Variants in UBE2D2 observed in about 807,000 individuals in gnomAD.
UBE2D2 encodes the protein ubiquitin conjugating enzyme E2 D2, also known as ubiquitin-conjugating enzyme E2 D2.
In UBE2D2, 2 loss-of-function variants were observed where a neutral mutation model predicts 24.2. The observed-to-expected ratio is 0.08, with a 90% CI of 0.03 to 0.26. The LOEUF (loss-of-function observed/expected upper bound fraction) is 0.26. UBE2D2 is among the 10% of genes least tolerant of loss of function. The pLI is 1.00. For synonymous variants in UBE2D2, 58 were observed against 56.5 expected (o/e 1.03, Z -0.12); for missense variants, 44 against 177.6 (o/e 0.25, Z 4.28).
chr5:139,626,803 T>A lies in UBE2D2; in HGVS notation c.*2T>A, dbSNP rs1052679743. Reference sequence around the variant, plus strand: ...TGGACTCAGAAGTATGCGATGTAATTAAAGAAATTATTGGATAACCTCTAC... The same window carrying A: ...TGGACTCAGAAGTATGCGATGTAATAAAAGAAATTATTGGATAACCTCTAC... On this transcript the variant is annotated 3_prime_UTR_variant, in exon 7 of 7. Transcript: ENST00000398733. 6.2e-7 allele frequency: 1 copy of A among 1,612,026 alleles called. No individual in the cohort carries two copies. The highest frequency in any genetic ancestry group is 1.1e-5 in the South Asian group (1 of 90,972).
intron 1 of UBE2D2, among the ~76,000 whole-genome samples, chr5:139,541,677 G>A (rs565976017): frequency 5.3e-4 from 80 of 151,768 alleles, no homozygotes; most frequent in African/African-American, 1.9e-3. Context: ...AGTAGCTGAG[G>A]TGGGAGGATC....
chr5:139,549,123 A>T (rs1293617366), intron 1 of UBE2D2, among the ~76,000 whole-genome samples: 1 of 152,140 alleles, frequency 6.6e-6, no homozygotes, highest in Non-Finnish European at 1.5e-5. Context: ...GCTAGGTTAC[A>T]GGTGTGAGCC....
chr5:139,579,261 C>T (rs1753545465), intron 1 of UBE2D2, among the ~76,000 whole-genome samples: 1 of 152,246 alleles, frequency 6.6e-6, no homozygotes, highest in African/African-American at 2.4e-5. Context: ...AATTCTCCTG[C>T]CTCAGCATCT....
At chr5:139,558,780 T>C (rs994489003), upstream of UBE2D2, among the ~76,000 whole-genome samples, 1 of 152,146 alleles carries the variant, frequency 6.6e-6, no homozygotes, top group Non-Finnish European at 1.5e-5. Context: ...CCTTTACTTA[T>C]AGGTATGTCT....
rs1475311956 is a variant in UBE2D2, at chr5:139,592,793, G to A, written c.25-7579G>A. ...AATTTTTTGTATTTTTAGTAGAGATGGCGTTTCACTGTGTTAGCCAGGATG... is the reference window on the plus strand; with the variant it reads ...AATTTTTTGTATTTTTAGTAGAGATAGCGTTTCACTGTGTTAGCCAGGATG... On this transcript the variant is annotated intron_variant, in intron 1 of 6. Transcript: ENST00000398733. Among the ~76,000 whole-genome samples, 4 of 150,564 alleles carry A rather than the reference G, an allele frequency of 2.7e-5. No individual in the cohort carries two copies. In the Admixed American group the frequency reaches 2.7e-4, roughly 10 times the overall value.
At chr5:139,530,589 G>A (rs552215518) in intron 1 of UBE2D2, among the ~76,000 whole-genome samples, 55 of 152,256 alleles carry the variant, frequency 3.6e-4, no homozygotes, top group African/African-American at 1.2e-3. Flanking sequence ...AGCCTTGACC[G>A]TTCTTGCCCA....
rs74765693 is a variant in UBE2D2, at chr5:139,550,940, C to T, written c.-64+24328C>T. The stretch of plus-strand genomic sequence containing the variant: ...TCTTCAAGTCAGTGAGACCAAGAAC[C>T]CACCAATTCCAGATACACCACAGTA... On this transcript the variant is annotated intron_variant, in intron 1 of 6. Transcript: ENST00000511725. Among the ~76,000 whole-genome samples, 988 of 152,250 alleles carry T rather than the reference C, an allele frequency of 6.5e-3. 7 individuals are homozygous for T. The highest frequency in any genetic ancestry group is 0.011 in the Non-Finnish European group (734 of 68,012).
intron 1 of UBE2D2, among the ~76,000 whole-genome samples, chr5:139,573,846 C>T (rs946835983): frequency 9.9e-5 from 15 of 151,980 alleles, no homozygotes; most frequent in Non-Finnish European, 2.2e-4. Context: ...TGGCGGGTGC[C>T]TGTAATCCCA....
At chr5:139,561,930 G>T in intron 1 of UBE2D2, 115 bp downstream of exon 1, 5 of 1,361,612 alleles carry the variant, frequency 3.7e-6, no homozygotes, top group Non-Finnish European at 3.8e-6. Context: ...GCCGGTGCTG[G>T]CCCCTCGGGG....
chr5:139,540,045 G>A (rs1392912510), intron 1 of UBE2D2, among the ~76,000 whole-genome samples: 4 of 151,694 alleles, frequency 2.6e-5, no homozygotes, highest in East Asian at 1.9e-4. Flanking sequence ...TCAGCCTCCC[G>A]AGTAGCTGGG....
intron 1 of UBE2D2, among the ~76,000 whole-genome samples, chr5:139,582,027 C>T (rs1470397277): frequency 6.6e-6 from 1 of 151,508 alleles, no homozygotes; most frequent in Non-Finnish European, 1.5e-5. Context: ...ACTTTGTTGC[C>T]CAGGCTGGAG....
chr5:139,626,159 C>G (rs1356552882), intron 6 of UBE2D2, among the ~76,000 whole-genome samples: 1 of 151,956 alleles, frequency 6.6e-6, no homozygotes, highest in African/African-American at 2.4e-5. Context: ...ACCTCTGCCT[C>G]CTGAGCTCAA....
At chr5:139,615,823 A>G (rs1754409660) in intron 5 of UBE2D2, among the ~76,000 whole-genome samples, 1 of 148,102 alleles carries the variant, frequency 6.8e-6, no homozygotes, top group African/African-American at 2.5e-5. Flanking sequence ...CGTTACAATA[A>G]TCTAGATTTT....
At chr5:139,561,194 G>T (rs539020067), upstream of UBE2D2, 1 of 152,620 alleles carries the variant, frequency 6.6e-6, no homozygotes, top group African/African-American at 2.4e-5. Context: ...CTCCGGGGCC[G>T]TGGCGGCGAC....
intron 1 of UBE2D2, among the ~76,000 whole-genome samples, chr5:139,551,382 C>T (rs1475811178): frequency 2.0e-5 from 3 of 152,254 alleles, no homozygotes; most frequent in Admixed American, 1.3e-4. Context: ...TCCAGGAGAA[C>T]TCCACACTTG....
chr5:139,537,760 T>G (rs368322183), intron 1 of UBE2D2, among the ~76,000 whole-genome samples: 8 of 151,590 alleles, frequency 5.3e-5, no homozygotes, highest in East Asian at 2.0e-4. Flanking sequence ...GTCAGGAGAT[T>G]GAGACCATCC....
At chr5:139,602,660 G>A (rs973983495) in intron 2 of UBE2D2, among the ~76,000 whole-genome samples, 4 of 151,840 alleles carry the variant, frequency 2.6e-5, no homozygotes, top group Admixed American at 1.3e-4. Flanking sequence ...CCTGGGCAAC[G>A]GGAGCGAGAC....
Position 139,552,675 on chromosome 5 carries a change from ATTTTTTTTTTT to A in UBE2D2, c.-64+26077_-64+26087del, listed in dbSNP as rs35039276. On this transcript the variant is annotated intron_variant, in intron 1 of 6. Transcript: ENST00000511725. ...AGGCATGTGCCACCACGCTTGGCTA[ATTTTTTTTTTT>A]TTTTTTTTTTTTTGAGACAGAGTTT... Among the ~76,000 whole-genome samples the A allele has an allele frequency of 5.1e-5, 3 of 59,344 alleles. No individual in the cohort carries two copies. In the Admixed American group the frequency reaches 7.1e-4, roughly 14 times the overall value. The allele number at this position is 59,344 out of a possible 152,430, so 38.9% of individuals were successfully genotyped here.
intron 6 of UBE2D2, among the ~76,000 whole-genome samples, chr5:139,626,114 G>C (rs1335760703): frequency 6.6e-6 from 1 of 151,614 alleles, no homozygotes; most frequent in African/African-American, 2.4e-5. Flanking sequence ...TGTCACCCAG[G>C]CTATGGTACA....
Sources: gnomAD v4.1 joint callset for allele counts (sites outside exome capture counted in the v4.1 genomes callset) on GRCh38, gnomAD v4.1.1 for gene constraint, MANE v1.5 for transcripts, NCBI Gene and HGNC (gene_info 2026-07-23, HGNC 2026-07-21) for gene names.